CKAP2L: variants seen among roughly 807,000 people sequenced by gnomAD.
CKAP2L encodes cytoskeleton-associated protein 2-like.
In CKAP2L, 42 loss-of-function variants were observed where a neutral mutation model predicts 65.7. The ratio of observed to expected loss-of-function variants is 0.64; its 90% CI spans 0.50 to 0.83. CKAP2L has a LOEUF of 0.83. Among genes scored for constraint, CKAP2L ranks in the 40% least tolerant of loss-of-function variants. The pLI, the probability that CKAP2L is intolerant of heterozygous loss-of-function variation, is 0.00. For missense variants in CKAP2L, 908 were observed against 871.0 expected, an observed-to-expected ratio of 1.04 and a Z score of -0.53; for synonymous variants, 325 against 313.5, an observed-to-expected ratio of 1.04 and a Z score of -0.39.
intron 4 of CKAP2L, 80 bp from the exon 5 acceptor site, chr2:112,752,554 T>C (rs1412509363): frequency 1.2e-6 from 1 of 825,436 alleles, no homozygotes; most frequent in Non-Finnish European, 1.9e-6. Flanking sequence ...TATGTATAGA[T>C]AGAGTATAAT....
intron 6 of CKAP2L, among the ~76,000 whole-genome samples, chr2:112,745,114 G>A (rs1333840928): frequency 6.6e-6 from 1 of 152,176 alleles, no homozygotes; most frequent in African/African-American, 2.4e-5. Context: ...GAAGACGGCA[G>A]TAAAAAGTAA....
chr2:112,742,637 C>G, intron 7 of CKAP2L, 69 bp downstream of exon 7: 1 of 1,044,812 alleles, frequency 9.6e-7, no homozygotes, highest in Non-Finnish European at 1.5e-6. Context: ...CTTCTTTTTC[C>G]TATATGTCCT....
chr2:112,753,875 A>G lies in CKAP2L; in HGVS notation c.1395-1401T>C, dbSNP rs895702414. Among the ~76,000 whole-genome samples the G allele has an allele frequency of 2.7e-4, 41 of 152,066 alleles. 1 individual carries two copies. On this transcript the variant is annotated intron_variant, in intron 4 of 8. Transcript: ENST00000302450. Reference sequence around the variant, plus strand: ...ACTCATTCCTGCCTTAAGGTCTTGCATCTTCAGTCCTCCCCTCAAATGACA... The same window carrying G: ...ACTCATTCCTGCCTTAAGGTCTTGCGTCTTCAGTCCTCCCCTCAAATGACA...
chr2:112,760,482 C>T (rs1484142005), intron 3 of CKAP2L, among the ~76,000 whole-genome samples: 2 of 152,144 alleles, frequency 1.3e-5, no homozygotes, highest in Non-Finnish European at 2.9e-5. Context: ...TGTTAGCTAT[C>T]AAGAGGACTA....
chr2:112,758,709 GCTTT>G (rs1461541854), intron 3 of CKAP2L, among the ~76,000 whole-genome samples: 1 of 152,090 alleles, frequency 6.6e-6, no homozygotes, highest in Non-Finnish European at 1.5e-5. Context: ...TTTTTTAGTT[GCTTT>G]CTTATATATT....
rs1680755769 is a variant in CKAP2L at position 112,762,519 on chromosome 2, T to C, written c.88A>G (p.Lys30Glu). 6.2e-7 allele frequency: 1 copy of C among 1,613,946 alleles called. No homozygotes were observed. Among genetic ancestry groups the C allele is most frequent in the African/African-American group, 1.3e-5 (1 of 74,942 alleles). The part of the protein sequence containing the change: ...QEYLAAKGKL[K>E]SQNTKPYLKS... The stretch of plus-strand genomic sequence containing the variant: ...TAAACTCACTTGGTGTTTTGGCTCT[T>C]CAGTTTTCCCTTGGCTGCAAGGTAC... Residue 30 changes from lysine (K) to glutamate (E), a missense_variant, in exon 2 of 9, where the codon AAG (lysine) becomes GAG (glutamate). Coordinates refer to ENST00000302450, the MANE Select transcript of CKAP2L (RefSeq NM_152515.5).
intron 8 of CKAP2L, among the ~76,000 whole-genome samples, chr2:112,739,990 T>C (rs895490630): frequency 2.6e-5 from 4 of 152,142 alleles, no homozygotes; most frequent in African/African-American, 9.7e-5. Context: ...GTTTCACTCT[T>C]GTTGCCCAGG....
intron 1 of CKAP2L, 36 bp from the exon 2 acceptor site, chr2:112,762,605 T>A (rs370986418): frequency 1.3e-6 from 2 of 1,546,086 alleles, no homozygotes; most frequent in Non-Finnish European, 1.8e-6. Flanking sequence ...GACATAACTT[T>A]AGTTCAAGAT....
Position 112,740,885 on chromosome 2 carries a change from G to T in CKAP2L, c.1945C>A (p.Pro649Thr). ...PKEREQVTAT[P>T]RIAKAEQHNY... ...TGCTGTTCTGCCTTGGCTATTCGGG[G>T]TGTCGCCGTGACTTGTTCCCTCTCT... Residue 649 changes from proline (P) to threonine (T), a missense_variant, in exon 8 of 9, where the codon CCC becomes ACC. Transcript: ENST00000302450. 1.9e-6 allele frequency: 3 copies of T among 1,614,020 alleles called. 1 individual carries two copies. The South Asian group carries it at 3.3e-5, about 18-fold the overall frequency.
intron 7 of CKAP2L, among the ~76,000 whole-genome samples, chr2:112,742,009 C>T (rs1263161337): frequency 1.5e-5 from 2 of 134,966 alleles, no homozygotes; most frequent in African/African-American, 2.8e-5. Flanking sequence ...AGGCTGGTCT[C>T]AAACTCCTGA....
At chr2:112,747,055 C>T (rs1680224837) in intron 5 of CKAP2L, among the ~76,000 whole-genome samples, 1 of 150,912 alleles carries the variant, frequency 6.6e-6, no homozygotes, top group South Asian at 2.1e-4. Flanking sequence ...TCTTAACGTG[C>T]TGGGATTACA....
chr2:112,760,881 G>A (rs535059699), intron 2 of CKAP2L, 117 bp from the exon 3 acceptor site: 4 of 625,670 alleles, frequency 6.4e-6, no homozygotes, highest in East Asian at 3.4e-5. Flanking sequence ...TTCTGTAATG[G>A]CAAAATAATT....
chr2:112,764,065 C>T (rs1680816239), intron 1 of CKAP2L: 1 of 169,968 alleles, frequency 5.9e-6, no homozygotes, highest in Non-Finnish European at 1.3e-5. Flanking sequence ...AAGCCTTAGC[C>T]CTGGGTGCAG....
intron 5 of CKAP2L, among the ~76,000 whole-genome samples, chr2:112,749,011 G>A (rs1373533514): frequency 6.6e-6 from 1 of 152,096 alleles, no homozygotes; most frequent in Non-Finnish European, 1.5e-5. Flanking sequence ...ACAGAAATGA[G>A]GAAAAAATAA....
At chr2:112,755,866 A>G in intron 4 of CKAP2L, 111 bp downstream of exon 4, 2 of 1,047,208 alleles carry the variant, frequency 1.9e-6, no homozygotes, top group Non-Finnish European at 2.8e-6. Flanking sequence ...GACTGTAGTT[A>G]AAAATTACTT....
rs1558757067 is a variant in CKAP2L, at chr2:112,746,507, G to C, written c.1671C>G (p.Phe557Leu). 1 of 1,613,252 alleles carries C rather than the reference G, an allele frequency of 6.2e-7. No individual in the cohort carries two copies. Among genetic ancestry groups the C allele is most frequent in the Admixed American group, 1.7e-5 (1 of 59,990 alleles). ...SIPEAEKFAK[F>L]WICKAKLLAS... Reference sequence around the variant, plus strand: ...CCAACAACTTTGCTTTGCAGATCCAGAATTTAGCAAATTTTTCAGCTTCAG... The same window carrying C: ...CCAACAACTTTGCTTTGCAGATCCACAATTTAGCAAATTTTTCAGCTTCAG... The change falls in exon 6 of 9, where the codon TTC becomes TTG. Residue 557 changes from phenylalanine to leucine, a missense_variant. Coordinates refer to ENST00000302450, the MANE Select transcript of CKAP2L (RefSeq NM_152515.5).
At chr2:112,747,510 T>C (rs949766125) in intron 5 of CKAP2L, among the ~76,000 whole-genome samples, 3 of 152,150 alleles carry the variant, frequency 2.0e-5, no homozygotes, top group African/African-American at 7.2e-5. Context: ...TGTGTAAGTG[T>C]CAGGGATTTA....
At chr2:112,743,211 C>T (rs1468145642) in intron 6 of CKAP2L, among the ~76,000 whole-genome samples, 1 of 152,110 alleles carries the variant, frequency 6.6e-6, no homozygotes, top group African/African-American at 2.4e-5. Context: ...GGCGCGATCT[C>T]GGCTCATTGC....
intron 6 of CKAP2L, among the ~76,000 whole-genome samples, chr2:112,744,471 C>A (rs1680135653): frequency 6.6e-6 from 1 of 152,194 alleles, no homozygotes; most frequent in Non-Finnish European, 1.5e-5. Context: ...CCATCCTGCA[C>A]CCCTAAACTC....
Sources: allele counts gnomAD v4.1 joint callset (sites outside exome capture counted in the v4.1 genomes callset), GRCh38; gene constraint gnomAD v4.1.1; transcripts MANE v1.5; gene names NCBI Gene and HGNC (gene_info 2026-07-23, HGNC 2026-07-21).